Variants in CLPB observed in about 807,000 individuals in gnomAD.
The protein encoded by CLPB is ClpB family mitochondrial disaggregase, also known as mitochondrial disaggregase.
A neutral mutation model predicts 78.4 loss-of-function variants in CLPB; 40 were observed. The ratio of observed to expected loss-of-function variants is 0.51; its 90% confidence interval spans 0.40 to 0.66. The LOEUF (loss-of-function observed/expected upper bound fraction) is 0.66. CLPB is among the 30% of genes least tolerant of loss of function. CLPB has a pLI of 0.00. For missense variants in CLPB, 780 were observed against 886.9 expected (o/e 0.88, Z 1.53); for synonymous variants, 333 against 348.0 (o/e 0.96, Z 0.48).
At chr11:72,389,094 C>T (rs911346815) in intron 3 of CLPB, among the ~76,000 whole-genome samples, 1 of 152,142 alleles carries the variant, frequency 6.6e-6, no homozygotes, top group Non-Finnish European at 1.5e-5. Flanking sequence ...ACACTGGTAC[C>T]AGAAGTCAAG....
intron 10 of CLPB, 67 bp downstream of exon 10, chr11:72,302,237 A>C (rs768840683): frequency 1.9e-4 from 291 of 1,517,218 alleles, no homozygotes; most frequent in Admixed American, 5.0e-4. Flanking sequence ...CCCAAATGAC[A>C]AGACCCCGGC....
intron 3 of CLPB, among the ~76,000 whole-genome samples, chr11:72,395,497 T>G (rs1490411591): frequency 6.6e-6 from 1 of 152,188 alleles, no homozygotes; most frequent in Non-Finnish European, 1.5e-5. Context: ...ATTTTCCCTA[T>G]CTGTAAAATA....
chr11:72,301,257 G>T (rs1335320108), intron 11 of CLPB, among the ~76,000 whole-genome samples: 1 of 152,174 alleles, frequency 6.6e-6, no homozygotes, highest in Non-Finnish European at 1.5e-5. Flanking sequence ...AGAACCCTCA[G>T]ATTCTCAGAA....
intron 4 of CLPB, among the ~76,000 whole-genome samples, chr11:72,373,405 AG>A (rs1951081234): frequency 6.6e-6 from 1 of 152,100 alleles, no homozygotes; most frequent in Non-Finnish European, 1.5e-5. Context: ...CCTCCATCTG[AG>A]GATTACGGCC....
intron 2 of CLPB, among the ~76,000 whole-genome samples, chr11:72,405,383 T>C (rs1313990450): frequency 6.6e-6 from 1 of 152,186 alleles, no homozygotes; most frequent in Non-Finnish European, 1.5e-5. Flanking sequence ...ATGGGCTCTT[T>C]TGTGACTACG....
chr11:72,370,003 G>A lies in CLPB; in HGVS notation c.646+10278C>T, dbSNP rs7937922. Among the ~76,000 whole-genome samples the A allele has an allele frequency of 1.3e-3, 200 of 152,188 alleles. 1 individual carries two copies. The highest frequency in any genetic ancestry group is 4.6e-3 in the African/African-American group (192 of 41,526). ...AATGTCTCAGTGAGAGATAATCATC[G>A]GAAACTCAATAAAGCGTCAGGGGGA... On this transcript the variant is annotated intron_variant, in intron 4 of 15. Coordinates refer to ENST00000538039, the MANE Select transcript of CLPB (RefSeq NM_001258392.3).
In CLPB at chr11:72,287,392, C is replaced by A. The variant is rs976274369; in HGVS notation, c.*5975G>T. ...GCAGCACAGTCTTGGCTCACTGCAA[C>A]CTCTGCCTCCTGGGCTTAAACCATC... On this transcript the variant is annotated 3_prime_UTR_variant, in exon 16 of 16. Transcript: ENST00000538039. 11 of 152,212 alleles carry A rather than the reference C, an allele frequency of 7.2e-5. No individual in the cohort carries two copies. The highest frequency in any genetic ancestry group is 1.5e-5 in the Non-Finnish European group (1 of 68,048). The allele number at this position is 152,212 out of a possible 1,614,324, so 9.4% of individuals were successfully genotyped here. A position where few individuals can be genotyped will look rare whatever the true frequency, so the allele number is the denominator to read the frequency against.
chr11:72,373,976 A>G (rs1417759989), intron 4 of CLPB, among the ~76,000 whole-genome samples: 1 of 151,538 alleles, frequency 6.6e-6, no homozygotes, highest in Non-Finnish European at 1.5e-5. Context: ...AAAAAAAAAA[A>G]AAAAAAGAAC....
intron 11 of CLPB, among the ~76,000 whole-genome samples, chr11:72,298,761 G>A (rs1478949243): frequency 6.6e-6 from 1 of 152,220 alleles, no homozygotes; most frequent in Non-Finnish European, 1.5e-5. Context: ...GCCTTCCAAA[G>A]TGCTGGGATT....
At chr11:72,301,215 C>T (rs1949649430) in intron 11 of CLPB, among the ~76,000 whole-genome samples, 1 of 152,172 alleles carries the variant, frequency 6.6e-6, no homozygotes, top group South Asian at 2.1e-4. Context: ...TTAGAACTTA[C>T]CCCTACGAGC....
chr11:72,302,245 G>A lies in CLPB; in HGVS notation c.1167+59C>T, dbSNP rs1037648865. 11 of 1,542,914 alleles carry A rather than the reference G, an allele frequency of 7.1e-6. No individual in the cohort carries two copies. The African/African-American group carries it at 9.5e-5, about 13-fold the overall frequency. ...TCTGAGGCCCAAATGACAAGACCCCGGCAGTCATGCTGACAAGCCCTCCAA... is the reference window on the plus strand; with the variant it reads ...TCTGAGGCCCAAATGACAAGACCCCAGCAGTCATGCTGACAAGCCCTCCAA... On this transcript the variant is annotated intron_variant, in intron 10 of 15. Coordinates refer to ENST00000538039, the MANE Select transcript of CLPB (RefSeq NM_001258392.3).
At position 72,294,179 on chromosome 11, in the gene CLPB, T is replaced by C. The variant is rs1949505626; in HGVS notation, c.1681-53A>G. 4 of 1,608,212 alleles carry C rather than the reference T, an allele frequency of 2.5e-6. No individual in the cohort carries two copies. In the South Asian group the frequency reaches 3.3e-5, roughly 13 times the overall value. On this transcript the variant is annotated intron_variant, in intron 14 of 15. Coordinates refer to ENST00000538039, the MANE Select transcript of CLPB (RefSeq NM_001258392.3). ...TGCATGTGGCCCACTGCTTTCCATC[T>C]CTTGCCACTCTGGCCTGAGGCCAGG...
chr11:72,347,903 T>C (rs1950544762), intron 5 of CLPB, among the ~76,000 whole-genome samples: 1 of 152,154 alleles, frequency 6.6e-6, no homozygotes. Flanking sequence ...TGAAAAAGAT[T>C]CAACCGGTCA....
chr11:72,325,847 C>T (rs1950124365), intron 6 of CLPB, among the ~76,000 whole-genome samples: 1 of 152,124 alleles, frequency 6.6e-6, no homozygotes, highest in Non-Finnish European at 1.5e-5. Flanking sequence ...CTCTGGGTGG[C>T]TATATAAAAT....
At position 72,293,572 on chromosome 11, in the gene CLPB, T is replaced by C; in HGVS notation, c.1829A>G (p.Gln610Arg). The change falls in exon 16 of 16, where the codon CAG becomes CGG. Residue 610 changes from glutamine to arginine, a missense_variant. Coordinates refer to ENST00000538039, the MANE Select transcript of CLPB (RefSeq NM_001258392.3). ...AGTACAGCCCCCTGGCAGCAGGTCC[T>C]GCTCATAGGCTGCTGCCAGCTGGTT... ...VVNQLAAAYE[Q>R]DLLPGGCTLR... is the part of the protein sequence containing the mutation. 1 of 1,614,070 alleles carries C rather than the reference T, an allele frequency of 6.2e-7. No homozygotes were observed. The highest frequency in any genetic ancestry group is 8.5e-7 in the Non-Finnish European group (1 of 1,179,958).
At chr11:72,369,088 G>C (rs887558689) in intron 4 of CLPB, among the ~76,000 whole-genome samples, 1 of 152,168 alleles carries the variant, frequency 6.6e-6, no homozygotes, top group Non-Finnish European at 1.5e-5. Flanking sequence ...AGGAAGGATG[G>C]CAAGGAACTT....
chr11:72,328,999 AT>A (rs1326907959), intron 6 of CLPB, among the ~76,000 whole-genome samples: 1 of 152,144 alleles, frequency 6.6e-6, no homozygotes, highest in Non-Finnish European at 1.5e-5. Flanking sequence ...TTTTCCTCTG[AT>A]TTATTGGCTT....
At chr11:72,395,019 C>A (rs920659990) in intron 3 of CLPB, among the ~76,000 whole-genome samples, 1 of 152,218 alleles carries the variant, frequency 6.6e-6, no homozygotes, top group Non-Finnish European at 1.5e-5. Flanking sequence ...AATGGTCCTT[C>A]TGCAAATGCT....
chr11:72,420,498 G>GAA (rs546331590), intron 2 of CLPB, among the ~76,000 whole-genome samples: 2 of 142,622 alleles, frequency 1.4e-5, no homozygotes, highest in African/African-American at 2.6e-5. Flanking sequence ...CATCTCAGGG[G>GAA]AAAAAAAAAA....
Sources: gnomAD v4.1 joint callset for allele counts (sites outside exome capture counted in the v4.1 genomes callset) on GRCh38, gnomAD v4.1.1 for gene constraint, MANE v1.5 for transcripts, NCBI Gene and HGNC (gene_info 2026-07-23, HGNC 2026-07-21) for gene names.